The following SNTG2 variants were observed in gnomAD, a reference collection of about 807,000 sequenced individuals.
The protein encoded by SNTG2 is syntrophin gamma 2.
Under a neutral mutation model 70.9 loss-of-function variants are expected in SNTG2, and 74 were observed. That is an observed-to-expected ratio of 1.04 (90% CI 0.86 to 1.27). SNTG2 has a LOEUF of 1.27. Ranked by LOEUF, SNTG2 falls within the 50% of genes most tolerant of loss-of-function variation. The probability of loss-of-function intolerance (pLI) is 0.00; values close to 1 mark genes in which losing one functional copy is unlikely to be tolerated. For missense variants in SNTG2, 717 were observed against 690.7 expected, an observed-to-expected ratio of 1.04 and a Z score of -0.43; for synonymous variants, 278 against 273.8, an observed-to-expected ratio of 1.02 and a Z score of -0.15.
At chr2:1,281,441 G>GT in intron 14 of SNTG2, among the ~76,000 whole-genome samples, 5 of 23,478 alleles carry the variant, frequency 2.1e-4, no homozygotes, top group Admixed American at 4.6e-4. Context: ...GTGTGTGTGT[G>GT]GTGGTATGTG....
intron 6 of SNTG2, 63 bp from the exon 7 acceptor site, chr2:1,165,485 T>A (rs1282128918): frequency 6.9e-7 from 1 of 1,445,058 alleles, no homozygotes; most frequent in Non-Finnish European, 9.6e-7. Flanking sequence ...GAGATTTTAT[T>A]TTTTAATTCT....
At chr2:1,114,526 C>T (rs1360391480) in intron 4 of SNTG2, among the ~76,000 whole-genome samples, 4 of 148,454 alleles carry the variant, frequency 2.7e-5, no homozygotes, top group Non-Finnish European at 1.5e-5. Context: ...GAGGTTTCAC[C>T]CTTACAGTCC....
intron 1 of SNTG2, among the ~76,000 whole-genome samples, chr2:953,697 C>G (rs928113624): frequency 6.6e-6 from 1 of 152,210 alleles, no homozygotes; most frequent in African/African-American, 2.4e-5. Context: ...CCTGACTTTA[C>G]CAGGAGACAT....
At chr2:968,148 T>G (rs1660631023) in intron 1 of SNTG2, among the ~76,000 whole-genome samples, 1 of 152,116 alleles carries the variant, frequency 6.6e-6, no homozygotes, top group Admixed American at 6.6e-5. Flanking sequence ...AAGCGTTTTT[T>G]TTTAACTATA....
rs1401803211 is a variant in SNTG2 at position 1,353,273 on chromosome 2, G to T, written c.1489-14070G>T. ...ACAGTGGGCGGAAGGAGCACGACCT[G>T]AGCTCCAGGGTGTGTTCATATGTGA... On this transcript the variant is annotated intron_variant, in intron 16 of 16. Transcript: ENST00000308624. This position sits in a 1 kb window ranked among gnomAD's most constrained non-coding sequence, Gnocchi z 4.2. Among the ~76,000 whole-genome samples, 1 of 152,100 alleles carries T rather than the reference G, an allele frequency of 6.6e-6. No individual in the cohort carries two copies. The highest frequency in any genetic ancestry group is 6.5e-5 in the Admixed American group (1 of 15,276).
At chr2:1,198,475 AAAGTC>A (rs1673067798) in intron 8 of SNTG2, among the ~76,000 whole-genome samples, 1 of 152,032 alleles carries the variant, frequency 6.6e-6, no homozygotes, top group South Asian at 2.1e-4. Flanking sequence ...CGTAAAAAAA[AAAGTC>A]AAGTAAACAA....
At chr2:1,069,773 G>A (rs969815554) in intron 1 of SNTG2, among the ~76,000 whole-genome samples, 4 of 152,094 alleles carry the variant, frequency 2.6e-5, no homozygotes, top group Non-Finnish European at 5.9e-5. Context: ...CCTGGCGACA[G>A]AGCAAGACTC....
chr2:1,199,027 T>C (rs917890565), intron 8 of SNTG2, among the ~76,000 whole-genome samples: 1 of 151,596 alleles, frequency 6.6e-6, no homozygotes, highest in African/African-American at 2.4e-5. Flanking sequence ...CCTAACTCAT[T>C]CTACAATGCC....
chr2:987,928 C>T (rs550717131), intron 1 of SNTG2, among the ~76,000 whole-genome samples: 42 of 152,328 alleles, frequency 2.8e-4, no homozygotes, highest in Non-Finnish European at 4.7e-4. Context: ...GCCCCTGGGT[C>T]TGCGCCCAGG....
At chr2:1,243,952 G>GGA (rs1166262084) in intron 11 of SNTG2, among the ~76,000 whole-genome samples, 4 of 152,174 alleles carry the variant, frequency 2.6e-5, no homozygotes, top group Non-Finnish European at 5.9e-5. Context: ...CTTCAACCCT[G>GGA]GAGGCGGAGG....
chr2:1,307,173 G>T (rs759143033), intron 14 of SNTG2, among the ~76,000 whole-genome samples: 1 of 150,744 alleles, frequency 6.6e-6, no homozygotes, highest in Non-Finnish European at 1.5e-5. Flanking sequence ...GTGTGTGTGT[G>T]TGTGGTGTGT....
At chr2:1,144,034 T>A (rs1445264834) in intron 6 of SNTG2, among the ~76,000 whole-genome samples, 2 of 152,312 alleles carry the variant, frequency 1.3e-5, no homozygotes, top group South Asian at 4.1e-4. Context: ...AAGCTGTGGC[T>A]CTCAGGACAC....
intron 4 of SNTG2, among the ~76,000 whole-genome samples, chr2:1,131,371 T>C (rs1188159213): frequency 6.6e-6 from 1 of 152,206 alleles, no homozygotes; most frequent in East Asian, 1.9e-4. Context: ...GCTCAGGGGA[T>C]GGATTCAGCC....
chr2:1,161,857 G>A (rs1047924136), intron 6 of SNTG2, among the ~76,000 whole-genome samples: 9 of 152,016 alleles, frequency 5.9e-5, no homozygotes, highest in East Asian at 1.9e-4. Flanking sequence ...GGCGGATCAC[G>A]AGGTCAGGAG....
intron 1 of SNTG2, among the ~76,000 whole-genome samples, chr2:1,016,521 G>A (rs972254123): frequency 4.6e-5 from 7 of 151,000 alleles, no homozygotes; most frequent in Non-Finnish European, 7.4e-5. Context: ...GATTACAGGC[G>A]TGAGCCACCA....
Position 1,237,873 on chromosome 2 carries a change from T to G in SNTG2, c.720-15T>G, listed in dbSNP as rs1015855469. On this transcript the variant is annotated splice_polypyrimidine_tract_variant and intron_variant, in intron 9 of 16. Transcript: ENST00000308624. ...GTCGCTGCGGGGCCTCCTGGACAGC[T>G]CTCTCCCTCCCCAGGTGGAATGCGT... 5 of 1,593,472 alleles carry G rather than the reference T, an allele frequency of 3.1e-6. No individual in the cohort carries two copies. The African/African-American group carries it at 5.4e-5, about 17-fold the overall frequency.
chr2:1,014,422 T>G (rs1659812537), intron 1 of SNTG2, among the ~76,000 whole-genome samples: 1 of 96,408 alleles, frequency 1.0e-5, no homozygotes, highest in Admixed American at 1.1e-4. Flanking sequence ...AAGGGTGCTC[T>G]GGAGAGGGAT....
Position 1,165,569 on chromosome 2 carries a change from G to A in SNTG2, c.433G>A (p.Gly145Ser), listed in dbSNP as rs1360453719. ...EEVVHLLRNA[G>S]DEVTITVEYL... Reference sequence around the variant, plus strand: ...ACAGGTGCATCTGCTGAGAAATGCTGGCGATGAAGTTACCATCACCGTTGA... The same window carrying A: ...ACAGGTGCATCTGCTGAGAAATGCTAGCGATGAAGTTACCATCACCGTTGA... The change falls in exon 7 of 17, where the codon GGC becomes AGC. Residue 145 changes from glycine to serine, a missense_variant. Gly to Ser is a moderately conservative substitution (Grantham distance 56). Transcript: ENST00000308624. 4 of 1,612,780 alleles carry A rather than the reference G, an allele frequency of 2.5e-6. No individual in the cohort carries two copies. The highest frequency in any genetic ancestry group is 3.4e-6 in the Non-Finnish European group (4 of 1,179,588).
intron 1 of SNTG2, among the ~76,000 whole-genome samples, chr2:998,096 A>G (rs1661751943): frequency 6.6e-6 from 1 of 152,180 alleles, no homozygotes. Context: ...GAAGGCACCT[A>G]AAAAGCCAGA....
Sources: gnomAD v4.1 joint callset for allele counts (sites outside exome capture counted in the v4.1 genomes callset) on GRCh38, gnomAD v4.1.1 for gene constraint, Gnocchi (gnomAD v3.1) non-coding constraint, MANE v1.5 for transcripts, NCBI Gene and HGNC (gene_info 2026-07-23, HGNC 2026-07-21) for gene names.